Variants in PCDHGB1 observed in about 807,000 individuals in gnomAD.
PCDHGB1 encodes protocadherin gamma-B1.
A neutral mutation model predicts 56.6 loss-of-function variants in PCDHGB1; 34 were observed. The observed-to-expected ratio is 0.60, with a 90% CI of 0.46 to 0.80. The LOEUF is 0.80. Ranked by LOEUF, PCDHGB1 falls within the 30% of genes least tolerant of loss-of-function variation. The probability of loss-of-function intolerance (pLI) is 0.00; values close to 1 mark genes in which losing one functional copy is unlikely to be tolerated. For synonymous variants in PCDHGB1, 561 were observed against 505.9 expected (o/e 1.11, Z -1.46); for missense variants, 1,278 against 1,204.6 (o/e 1.06, Z -0.90).
chr5:141,476,979 G>A lies in PCDHGB1; in HGVS notation c.2410-17828G>A, dbSNP rs772801536. On this transcript the variant is annotated intron_variant, in intron 1 of 3. Coordinates refer to ENST00000523390, the MANE Select transcript of PCDHGB1 (RefSeq NM_018922.3). The surrounding 1 kb of genome is among the most constrained non-coding windows in gnomAD (Gnocchi z 7.6). ...ATTTACTCCTTCGGCAGCCACAACC[G>A]CGCCGGCGTGCGGCAACTATTCGCC... The A allele has an allele frequency of 1.9e-6, 3 of 1,614,238 alleles. No homozygotes were observed. The South Asian group carries it at 3.3e-5, about 18-fold the overall frequency.
At chr5:141,382,093 T>C (rs1420552886) in intron 1 of PCDHGB1, among the ~76,000 whole-genome samples, 1 of 152,090 alleles carries the variant, frequency 6.6e-6, no homozygotes, top group Non-Finnish European at 1.5e-5. Context: ...CCTCACAAAG[T>C]GTGGGATTAC....
intron 1 of PCDHGB1, chr5:141,384,038 G>C (rs1779701578): frequency 6.2e-7 from 1 of 1,613,110 alleles, no homozygotes; most frequent in East Asian, 2.2e-5. Flanking sequence ...GGAAAGAATG[G>C]TGAGGTGACC....
rs758540898 is a variant in PCDHGB1 at position 141,400,450 on chromosome 5, A to G, written c.2409+47781A>G. The G allele has an allele frequency of 3.7e-6, 6 of 1,613,982 alleles. No homozygotes were observed. The African/African-American group carries it at 5.3e-5, about 14-fold the overall frequency. ...TGAGCAATTGAGTTCAGGACAAGAC[A>G]TACTTTGTGGTGATTCATCTGGGGC... On this transcript the variant is annotated intron_variant, in intron 1 of 3. Transcript: ENST00000523390.
chr5:141,437,831 G>C (rs923199746), intron 1 of PCDHGB1, among the ~76,000 whole-genome samples: 16 of 151,256 alleles, frequency 1.1e-4, no homozygotes, highest in African/African-American at 3.4e-4. Flanking sequence ...TCTGCCTCCT[G>C]GGTTCATGCT....
In PCDHGB1 at chr5:141,445,206, A is replaced by G. The variant is rs1244524491; in HGVS notation, c.2410-49601A>G. On this transcript the variant is annotated intron_variant, in intron 1 of 3. Transcript: ENST00000523390. ...TTTTTATGTATTCTATATGCTTTTGAAAAGTAAGAGGTGCAAAGTGCTCTA... is the reference window on the plus strand; with the variant it reads ...TTTTTATGTATTCTATATGCTTTTGGAAAGTAAGAGGTGCAAAGTGCTCTA... 3.3e-5 allele frequency among the ~76,000 whole-genome samples: 5 copies of G among 152,182 alleles called. No individual in the cohort carries two copies. The East Asian group carries it at 7.7e-4, about 23-fold the overall frequency.
intron 1 of PCDHGB1, chr5:141,414,279 A>G (rs1369675815): frequency 1.9e-6 from 3 of 1,613,350 alleles, no homozygotes; most frequent in Admixed American, 3.3e-5. Context: ...CTCTGGGAAC[A>G]GTCGTAGCCC....
chr5:141,504,130 C>T (rs1334901812), intron 2 of PCDHGB1, among the ~76,000 whole-genome samples: 1 of 152,154 alleles, frequency 6.6e-6, no homozygotes, highest in African/African-American at 2.4e-5. Flanking sequence ...TGTTTCCCGC[C>T]AACACTCCCC....
chr5:141,386,365 A>G (rs1014338903), intron 1 of PCDHGB1, among the ~76,000 whole-genome samples: 2 of 152,278 alleles, frequency 1.3e-5, no homozygotes. Flanking sequence ...GATTCCAGAG[A>G]CCTTTGAGTA....
intron 1 of PCDHGB1, chr5:141,359,919 G>C (rs1761361638): frequency 2.3e-6 from 1 of 442,004 alleles, no homozygotes; most frequent in South Asian, 8.5e-5. Flanking sequence ...GCAGTTTCCT[G>C]AGAAAACCTC....
chr5:141,408,673 C>T (rs1397679515), intron 1 of PCDHGB1: 3 of 1,613,854 alleles, frequency 1.9e-6, no homozygotes, highest in Non-Finnish European at 2.5e-6. Flanking sequence ...TTGACCCTGC[C>T]ACGGATCCTG....
In PCDHGB1 at chr5:141,350,804, A is replaced by G. The variant is rs748254938; in HGVS notation, c.544A>G (p.Ser182Gly). The G allele has an allele frequency of 6.2e-7, 1 of 1,614,048 alleles. No homozygotes were observed. The highest frequency in any genetic ancestry group is 8.5e-7 in the Non-Finnish European group (1 of 1,179,898). The part of the protein sequence containing the change: ...NQYFSLSTKE[S>G]PDGSKYPVLL... Reference sequence around the variant, plus strand: ...ATACTTCTCTCTGTCAACGAAGGAAAGTCCTGATGGAAGTAAATATCCGGT... The same window carrying G: ...ATACTTCTCTCTGTCAACGAAGGAAGGTCCTGATGGAAGTAAATATCCGGT... Residue 182 changes from serine to glycine, a missense_variant, in exon 1 of 4, where the codon AGT becomes GGT. Coordinates refer to ENST00000523390, the MANE Select transcript of PCDHGB1 (RefSeq NM_018922.3).
At chr5:141,379,889 CTTTTTTTTTTTTTTTTTTT>C (rs70988800) in intron 1 of PCDHGB1, among the ~76,000 whole-genome samples, 3 of 50,830 alleles carry the variant, frequency 5.9e-5, no homozygotes, top group African/African-American at 1.3e-4. Flanking sequence ...GTGAAAGCCT[CTTTTTTTTTTTTTTTTTTT>C]TTTTTTTTTT....
intron 1 of PCDHGB1, among the ~76,000 whole-genome samples, chr5:141,397,814 C>G (rs1325713795): frequency 6.6e-6 from 1 of 152,200 alleles, no homozygotes; most frequent in Non-Finnish European, 1.5e-5. Flanking sequence ...CACACAAAAA[C>G]AATTACTGCA....
intron 1 of PCDHGB1, chr5:141,383,630 T>C: frequency 6.2e-7 from 1 of 1,613,986 alleles, no homozygotes; most frequent in Non-Finnish European, 8.5e-7. Context: ...GTCTTCTCTC[T>C]GCCTCAGTAC....
intron 2 of PCDHGB1, among the ~76,000 whole-genome samples, chr5:141,504,280 C>T (rs1027657223): frequency 6.6e-6 from 1 of 152,076 alleles, no homozygotes; most frequent in Admixed American, 6.6e-5. Context: ...AATTATGAAT[C>T]ATTTCATGTT....
intron 1 of PCDHGB1, among the ~76,000 whole-genome samples, chr5:141,450,782 C>G (rs1012152203): frequency 6.6e-6 from 1 of 151,236 alleles, no homozygotes; most frequent in Non-Finnish European, 1.5e-5. Context: ...CCACCGTGCC[C>G]GGACCTCATG....
At chr5:141,458,907 A>AT (rs759653270) in intron 1 of PCDHGB1, among the ~76,000 whole-genome samples, 1 of 151,752 alleles carries the variant, frequency 6.6e-6, no homozygotes, top group Non-Finnish European at 1.5e-5. Context: ...AATTTTTTCT[A>AT]TTTTTTGTGG....
chr5:141,366,886 T>A (rs1332420618), intron 1 of PCDHGB1: 16 of 1,296,860 alleles, frequency 1.2e-5, no homozygotes, highest in South Asian at 4.5e-5. Flanking sequence ...TAATTTTTTT[T>A]ATATAATTCA....
At chr5:141,458,615 G>A (rs2098949624) in intron 1 of PCDHGB1, among the ~76,000 whole-genome samples, 1 of 152,088 alleles carries the variant, frequency 6.6e-6, no homozygotes, top group Admixed American at 6.6e-5. Flanking sequence ...TGTCAGCCAG[G>A]CTGGAGTGCA....
Sources: gnomAD v4.1 joint callset for allele counts (sites outside exome capture counted in the v4.1 genomes callset) on GRCh38, gnomAD v4.1.1 for gene constraint, Gnocchi (gnomAD v3.1) non-coding constraint, MANE v1.5 for transcripts, NCBI Gene and HGNC (gene_info 2026-07-23, HGNC 2026-07-21) for gene names.